The following SCAP variants were observed in gnomAD, a reference collection of about 807,000 sequenced individuals.
SCAP encodes the protein sterol regulatory element-binding protein cleavage-activating protein.
Under a neutral mutation model 123.6 loss-of-function variants are expected in SCAP, and 65 were observed. The ratio of observed to expected loss-of-function variants is 0.53; its 90% CI spans 0.43 to 0.65. SCAP has a LOEUF of 0.65. Ranked by LOEUF, SCAP falls within the 30% of genes least tolerant of loss-of-function variation. The pLI is 0.00. For missense variants in SCAP, 1,398 were observed against 1,712.5 expected (o/e 0.82, Z 3.24); for synonymous variants, 740 against 726.3 (o/e 1.02, Z -0.30).
intron 1 of SCAP, among the ~76,000 whole-genome samples, chr3:47,462,753 C>CAAAAAAAAAAAAAA (rs369097240): frequency 1.3e-5 from 1 of 79,648 alleles, no homozygotes; most frequent in Non-Finnish European, 2.5e-5. Context: ...AACTCCGTCT[C>CAAAAAAAAAAAAAA]AAAAAAAAAA....
rs1705461987 is a variant in SCAP, at chr3:47,414,341, A to C, written c.3433T>G (p.Trp1145Gly). The C allele has an allele frequency of 6.2e-7, 1 of 1,612,970 alleles. No individual in the cohort carries two copies. The highest frequency in any genetic ancestry group is 1.3e-5 in the African/African-American group (1 of 74,938). The change falls in exon 22 of 23, where the codon TGG (tryptophan) becomes GGG (glycine). Residue 1145 changes from tryptophan (W) to glycine (G), a missense_variant. This residue lies in a region of SCAP where 2 missense variants were observed against 17.2 expected (regional missense o/e 0.12). Coordinates refer to ENST00000265565, the MANE Select transcript of SCAP (RefSeq NM_012235.4). ...SGGQDGAICL[W>G]DVLTGSRVSH... is the part of the protein sequence containing the mutation. ...ACCCGGCTGCCAGTCAGTACATCCC[A>C]CAGGCAGATGGCCCCATCTTGTCCT...
At chr3:47,466,199 G>A (rs1349354650) in intron 1 of SCAP, among the ~76,000 whole-genome samples, 1 of 151,068 alleles carries the variant, frequency 6.6e-6, no homozygotes, top group Non-Finnish European at 1.5e-5. Flanking sequence ...GAAAAAAGTG[G>A]GAACCCTGAA....
In SCAP at chr3:47,442,963, T is replaced by C. The variant is rs757837748; in HGVS notation, c.31A>G (p.Ile11Val). MTLTERLREK[I>V]SRAFYNHGLL... Reference sequence around the variant, plus strand: ...CCATGGTTGTAGAAGGCCCGAGATATCTTCTCACGCAGCCTTTCAGTCAGG... The same window carrying C: ...CCATGGTTGTAGAAGGCCCGAGATACCTTCTCACGCAGCCTTTCAGTCAGG... Residue 11 changes from isoleucine to valine, a missense_variant, in exon 2 of 23, where the codon ATA becomes GTA. This residue lies in a region of SCAP where 319 missense variants were observed against 432.4 expected (regional missense o/e 0.74). Transcript: ENST00000265565. 8 of 1,613,930 alleles carry C rather than the reference T, an allele frequency of 5.0e-6. No homozygotes were observed. The highest frequency in any genetic ancestry group is 1.3e-5 in the African/African-American group (1 of 74,862).
At chr3:47,456,025 G>A (rs1039411898) in intron 1 of SCAP, among the ~76,000 whole-genome samples, 4 of 152,222 alleles carry the variant, frequency 2.6e-5, no homozygotes, top group Non-Finnish European at 1.5e-5. Context: ...AAACAAGTAG[G>A]AGAAAGATTA....
In SCAP at chr3:47,414,558, T is replaced by A; in HGVS notation, c.3387+14A>T. The A allele has an allele frequency of 1.9e-6, 3 of 1,613,316 alleles. No homozygotes were observed. The highest frequency in any genetic ancestry group is 2.5e-6 in the Non-Finnish European group (3 of 1,179,928). On this transcript the variant is annotated intron_variant, in intron 21 of 22. Transcript: ENST00000265565. ...CAGACTCTGTACCCCCTACCCCACC[T>A]GCAGGCCGCTTACCTGGTCAATGTA...
At chr3:47,453,397 GA>G (rs11386934) in intron 1 of SCAP, among the ~76,000 whole-genome samples, 1 of 148,912 alleles carries the variant, frequency 6.7e-6, no homozygotes, top group Admixed American at 6.7e-5. Flanking sequence ...ATTTTTAATG[GA>G]AAAAAAAAAG....
In SCAP at chr3:47,451,537, A is replaced by T. The variant is rs1014371547; in HGVS notation, c.-98-8446T>A. On this transcript the variant is annotated intron_variant, in intron 1 of 22. Transcript: ENST00000265565. ...TTCAGCCTCCCAAGTAGCTAGGACT[A>T]TAGGCGTGCACCACCACACCCAACG... is the stretch of plus-strand genomic sequence containing the variant. 3.4e-5 allele frequency among the ~76,000 whole-genome samples: 4 copies of T among 119,222 alleles called. 2 individuals carry two copies. Among genetic ancestry groups the T allele is most frequent in the Admixed American group, 1.9e-4 (2 of 10,480 alleles). 78.2% of individuals were successfully genotyped at this position (119,222 alleles called of 152,430 possible).
Position 47,443,091 on chromosome 3 carries a change from C to T in SCAP, c.-98G>A. On this transcript the variant is annotated splice_region_variant and 5_prime_UTR_variant, in exon 2 of 23. Coordinates refer to ENST00000265565, the MANE Select transcript of SCAP (RefSeq NM_012235.4). ...TGACAAAGAACAACATGTGCAGGTA[C>T]CTGGTAAGAAGGGAGAAAAGCCAGT... 1 of 1,571,202 alleles carries T rather than the reference C, an allele frequency of 6.4e-7. No homozygotes were observed. Among genetic ancestry groups the T allele is most frequent in the Non-Finnish European group, 8.6e-7 (1 of 1,157,900 alleles).
rs567038356 is a variant in SCAP at position 47,445,815 on chromosome 3, G to C, written c.-98-2724C>G. On this transcript the variant is annotated intron_variant, in intron 1 of 22. Coordinates refer to ENST00000265565, the MANE Select transcript of SCAP (RefSeq NM_012235.4). ...TAGAACTCCTGACCTTAGATGATTT[G>C]CCAGCCTGGCCTCCCAAAGTGCTGG... 5.8e-4 allele frequency among the ~76,000 whole-genome samples: 86 copies of C among 147,672 alleles called. 1 individual carries two copies. The highest frequency in any genetic ancestry group is 1.0e-3 in the Non-Finnish European group (70 of 67,170).
chr3:47,460,803 G>T (rs907926858), intron 1 of SCAP, among the ~76,000 whole-genome samples: 2 of 152,116 alleles, frequency 1.3e-5, no homozygotes, highest in Non-Finnish European at 2.9e-5. Flanking sequence ...TGATCCACCC[G>T]CCTCGACCTC....
chr3:47,425,767 C>T (rs1482085258), intron 7 of SCAP, among the ~76,000 whole-genome samples, 156 bp from the exon 8 acceptor site: 1 of 152,206 alleles, frequency 6.6e-6, no homozygotes, highest in Non-Finnish European at 1.5e-5. Context: ...GTGTCATGGA[C>T]ACAGTACACC....
Position 47,419,249 on chromosome 3 carries a change from G to A in SCAP, c.1940+79C>T. On this transcript the variant is annotated intron_variant, in intron 13 of 22. Transcript: ENST00000265565. This position sits in a 1 kb window ranked among gnomAD's most constrained non-coding sequence, Gnocchi z 5.0. ...TTAATTATTTGCATAATTCAAACCTGTGGGCCTCCTGCATTGGGGAAAGGG... is the reference window on the plus strand; with the variant it reads ...TTAATTATTTGCATAATTCAAACCTATGGGCCTCCTGCATTGGGGAAAGGG... 6.7e-7 allele frequency: 1 copy of A among 1,502,392 alleles called. No individual in the cohort carries two copies. The highest frequency in any genetic ancestry group is 1.3e-5 in the South Asian group (1 of 77,474). 93.1% of individuals were successfully genotyped at this position (1,502,392 alleles called of 1,614,324 possible). A position where few individuals can be genotyped will look rare whatever the true frequency, so the allele number is the denominator to read the frequency against.
intron 1 of SCAP, among the ~76,000 whole-genome samples, chr3:47,443,738 C>CT (rs958702968): frequency 6.6e-6 from 1 of 152,208 alleles, no homozygotes; most frequent in African/African-American, 2.4e-5. Flanking sequence ...GCTCCTGTTC[C>CT]TGCCTGCCCA....
At chr3:47,460,065 A>G (rs541284038) in intron 1 of SCAP, among the ~76,000 whole-genome samples, 37 of 152,238 alleles carry the variant, frequency 2.4e-4, no homozygotes, top group Non-Finnish European at 4.4e-4. Context: ...GCTCTCTGCA[A>G]GAAGAAAAAT....
intron 2 of SCAP, among the ~76,000 whole-genome samples, chr3:47,442,041 T>C (rs13063125): frequency 1.3e-5 from 2 of 152,036 alleles, no homozygotes; most frequent in African/African-American, 4.8e-5. Flanking sequence ...AGGGAAGAGC[T>C]TGAGATCATT....
In SCAP at chr3:47,427,188, T is replaced by C. The variant is rs1056322174; in HGVS notation, c.706A>G (p.Ile236Val). 5 of 1,613,714 alleles carry C rather than the reference T, an allele frequency of 3.1e-6. No individual in the cohort carries two copies. The highest frequency in any genetic ancestry group is 3.4e-6 in the Non-Finnish European group (4 of 1,179,838). Residue 236 changes from isoleucine to valine, a missense_variant, in exon 6 of 23, where the codon ATC becomes GTC. By Grantham distance (29) the Ile-to-Val change is conservative. This residue lies in a region of SCAP where 319 missense variants were observed against 432.4 expected (regional missense o/e 0.74). Transcript: ENST00000265565. ...TGGTAGTGCTGGAAGACCAGGGTGA[T>C]GGTGTAGGAGACCATCCTCTTCCTG... ...YTRKRMVSYT[I>V]TLVFQHYHAK...
chr3:47,471,383 T>C (rs1708019297), intron 1 of SCAP, among the ~76,000 whole-genome samples: 1 of 152,162 alleles, frequency 6.6e-6, no homozygotes, highest in Admixed American at 6.6e-5. Flanking sequence ...AAAAACAATC[T>C]AGACGATTAA....
At position 47,475,925 on chromosome 3, in the gene SCAP, CT is replaced by C. The variant is rs1490727964; in HGVS notation, c.-226del. On this transcript the variant is annotated 5_prime_UTR_variant, in exon 1 of 23. Coordinates refer to ENST00000265565, the MANE Select transcript of SCAP (RefSeq NM_012235.4). ...GTGCGTGGCGCCCTCCCTCTCTCTC[CT>C]GGCCGCCGGGTGCCCGCCCCTTCAC... is the stretch of plus-strand genomic sequence containing the variant. 6.5e-6 allele frequency: 1 copy of C among 153,386 alleles called. No homozygotes were observed. Among genetic ancestry groups the C allele is most frequent in the Non-Finnish European group, 1.5e-5 (1 of 68,562 alleles). The allele number at this position is 153,386 out of a possible 1,614,324, so 9.5% of individuals were successfully genotyped here. A position where few individuals can be genotyped will look rare whatever the true frequency, so the allele number is the denominator to read the frequency against.
At chr3:47,437,359 A>C (rs536948402) in intron 2 of SCAP, among the ~76,000 whole-genome samples, 14 of 149,760 alleles carry the variant, frequency 9.3e-5, no homozygotes, top group Non-Finnish European at 1.6e-4. Flanking sequence ...AAATCACTTG[A>C]ACCGGTGAGC....
Sources: allele counts gnomAD v4.1 joint callset (sites outside exome capture counted in the v4.1 genomes callset), GRCh38; gene constraint gnomAD v4.1.1; regional missense constraint gnomAD v4.1.1; non-coding constraint Gnocchi (gnomAD v3.1); transcripts MANE v1.5; gene names NCBI Gene and HGNC (gene_info 2026-07-23, HGNC 2026-07-21).